DCP2: variants seen among roughly 807,000 people sequenced by gnomAD.
The protein encoded by DCP2 is m7GpppN-mRNA hydrolase.
A neutral mutation model predicts 56.1 loss-of-function variants in DCP2; 30 were observed. The ratio of observed to expected loss-of-function variants is 0.53; its 90% confidence interval spans 0.40 to 0.73. The LOEUF is 0.73. Among genes scored for constraint, DCP2 ranks in the 30% least tolerant of loss-of-function variants. The pLI is 0.00. For synonymous variants in DCP2, 197 were observed against 163.3 expected, an observed-to-expected ratio of 1.21 and a Z score of -1.57; for missense variants, 533 against 502.7, an observed-to-expected ratio of 1.06 and a Z score of -0.58.
intron 1 of DCP2, among the ~76,000 whole-genome samples, chr5:112,979,732 C>T (rs1747908129): frequency 6.6e-6 from 1 of 152,138 alleles, no homozygotes; most frequent in Admixed American, 6.5e-5. Flanking sequence ...TAGTATGTAA[C>T]ATTCTATTTA....
chr5:112,992,036 CTA>C (rs1748617381), intron 2 of DCP2, 83 bp from the exon 3 acceptor site: 1 of 1,535,878 alleles, frequency 6.5e-7, no homozygotes, highest in Non-Finnish European at 8.8e-7. Flanking sequence ...ATGAAATACA[CTA>C]TTGATTTAAA....
At chr5:113,011,307 AC>A (rs775871878) in intron 10 of DCP2, among the ~76,000 whole-genome samples, 13 of 152,208 alleles carry the variant, frequency 8.5e-5, no homozygotes, top group Non-Finnish European at 1.6e-4. Context: ...TTAAGGTGAT[AC>A]TAAGTATGAG....
chr5:113,002,423 A>G, intron 7 of DCP2, among the ~76,000 whole-genome samples: 1 of 130,628 alleles, frequency 7.7e-6, no homozygotes, highest in South Asian at 2.3e-4. Context: ...ACTCGGTCTC[A>G]AAAAAAAAAA....
chr5:112,990,633 G>T (rs1166283757), intron 2 of DCP2, among the ~76,000 whole-genome samples: 1 of 152,024 alleles, frequency 6.6e-6, no homozygotes, highest in Non-Finnish European at 1.5e-5. Context: ...GTAGGGACAG[G>T]GTCTTACTAT....
At chr5:112,999,240 T>G (rs1749011676) in intron 4 of DCP2, among the ~76,000 whole-genome samples, 1 of 152,256 alleles carries the variant, frequency 6.6e-6, no homozygotes, top group Admixed American at 6.5e-5. Context: ...TTTCTGATTT[T>G]TGAGGCATTA....
chr5:113,012,864 G>C (rs190065880), intron 10 of DCP2, among the ~76,000 whole-genome samples: 1 of 151,852 alleles, frequency 6.6e-6, no homozygotes, highest in African/African-American at 2.4e-5. Context: ...GGCTGGTCTC[G>C]AACTCCTGAC....
intron 2 of DCP2, among the ~76,000 whole-genome samples, chr5:112,988,596 G>A (rs1047291690): frequency 3.3e-5 from 5 of 151,878 alleles, no homozygotes; most frequent in Admixed American, 3.3e-4. Context: ...ATAGTAGTGG[G>A]ACTACAAAGA....
intron 7 of DCP2, 79 bp from the exon 8 acceptor site, chr5:113,003,863 A>G (rs1749294207): frequency 7.4e-6 from 11 of 1,480,014 alleles, no homozygotes; most frequent in Non-Finnish European, 1.0e-5. Flanking sequence ...TATGTAGTCT[A>G]TAAATTTAAC....
At position 113,014,381 on chromosome 5, in the gene DCP2, A is replaced by T. The variant is rs1269554701; in HGVS notation, c.*897A>T. 6.6e-6 allele frequency: 1 copy of T among 152,200 alleles called. No individual in the cohort carries two copies. Among genetic ancestry groups the T allele is most frequent in the Non-Finnish European group, 1.5e-5 (1 of 68,034 alleles). The allele number at this position is 152,200 out of a possible 1,614,324, so 9.4% of individuals were successfully genotyped here. On this transcript the variant is annotated 3_prime_UTR_variant, in exon 11 of 11. Transcript: ENST00000389063. ...GTTTTACGTTGCATCTCCAGTATTG[A>T]TCTTTGGAAACTGATGTTACATTAG...
chr5:112,983,230 A>AT (rs1748093516), intron 1 of DCP2, among the ~76,000 whole-genome samples: 1 of 152,186 alleles, frequency 6.6e-6, no homozygotes, highest in Non-Finnish European at 1.5e-5. Context: ...GAGAAAATAG[A>AT]CTACTTGGTT....
intron 9 of DCP2, 140 bp from the exon 10 acceptor site, chr5:113,010,616 G>A: frequency 1.9e-6 from 2 of 1,026,192 alleles, no homozygotes; most frequent in Non-Finnish European, 2.7e-6. Flanking sequence ...ACTGGTGAGA[G>A]AATGGGATGA....
At chr5:112,989,038 G>T (rs1271458895) in intron 2 of DCP2, among the ~76,000 whole-genome samples, 1 of 152,222 alleles carries the variant, frequency 6.6e-6, no homozygotes, top group Non-Finnish European at 1.5e-5. Flanking sequence ...ACTTCATTAA[G>T]TAACTTCATG....
At chr5:113,007,421 G>C (rs1033373005) in intron 8 of DCP2, among the ~76,000 whole-genome samples, 2 of 140,992 alleles carry the variant, frequency 1.4e-5, no homozygotes, top group Admixed American at 7.4e-5. Flanking sequence ...TTTTGAAAAA[G>C]AGATAGTCTC....
Position 113,021,693 on chromosome 5 carries a change from A to T in DCP2, c.*8209A>T, listed in dbSNP as rs1750144928. On this transcript the variant is annotated 3_prime_UTR_variant, in exon 11 of 11. Transcript: ENST00000389063. ...AAAAGGAGAGTGACTAAGGTGTTAT[A>T]CTTACTGTCAAAGTTACTTTGCTTC... Among the ~76,000 whole-genome samples, 1 of 122,706 alleles carries T rather than the reference A, an allele frequency of 8.1e-6. No individual in the cohort carries two copies. Among genetic ancestry groups the T allele is most frequent in the African/African-American group, 2.6e-5 (1 of 38,364 alleles). The allele number at this position is 122,706 out of a possible 152,430, so 80.5% of individuals were successfully genotyped here.
In DCP2 at chr5:113,019,360, C is replaced by G. The variant is rs1324778916; in HGVS notation, c.*5876C>G. ...ACAGTAGACTTGTATTCTTTATGCA[C>G]TATACATATGATACGCACTGACAGA... On this transcript the variant is annotated 3_prime_UTR_variant, in exon 11 of 11. Coordinates refer to ENST00000389063, the MANE Select transcript of DCP2 (RefSeq NM_152624.6). The G allele has an allele frequency of 6.6e-6, 1 of 152,180 alleles. No individual in the cohort carries two copies. The highest frequency in any genetic ancestry group is 1.5e-5 in the Non-Finnish European group (1 of 68,038). 9.4% of individuals were successfully genotyped at this position (152,180 alleles called of 1,614,324 possible). A position where few individuals can be genotyped will look rare whatever the true frequency, so the allele number is the denominator to read the frequency against.
chr5:112,987,993 T>C (rs940309666), intron 2 of DCP2, among the ~76,000 whole-genome samples: 2 of 152,162 alleles, frequency 1.3e-5, no homozygotes, highest in Admixed American at 6.5e-5. Context: ...GTACTAGAAC[T>C]AGAGTTGGAG....
intron 1 of DCP2, among the ~76,000 whole-genome samples, chr5:112,977,200 G>T (rs1282625045): frequency 1.3e-5 from 2 of 151,900 alleles, no homozygotes; most frequent in Non-Finnish European, 1.5e-5. Context: ...GTCCTTCCCC[G>T]CAGAACACCC....
intron 2 of DCP2, among the ~76,000 whole-genome samples, chr5:112,986,935 G>A (rs1025511506): frequency 3.3e-5 from 5 of 152,258 alleles, no homozygotes; most frequent in Non-Finnish European, 7.4e-5. Flanking sequence ...CCTGGGAGGT[G>A]CAGGTTACAG....
At position 113,021,358 on chromosome 5, in the gene DCP2, ACT is replaced by A. The variant is rs144518836; in HGVS notation, c.*7877_*7878del. Reference sequence around the variant, plus strand: ...CTCCAGCCTGGGTGAACAGAGCAAGACTCTGTCTGGAAAAAACAAAAAACAAC... The same window carrying A: ...CTCCAGCCTGGGTGAACAGAGCAAGACTGTCTGGAAAAAACAAAAAACAAC... On this transcript the variant is annotated 3_prime_UTR_variant, in exon 11 of 11. Transcript: ENST00000389063. Among the ~76,000 whole-genome samples, 957 of 143,946 alleles carry A rather than the reference ACT, an allele frequency of 6.6e-3. 9 individuals are homozygous for A. The highest frequency in any genetic ancestry group is 0.023 in the African/African-American group (878 of 37,984). 94.4% of individuals were successfully genotyped at this position (143,946 alleles called of 152,430 possible). A position where few individuals can be genotyped will look rare whatever the true frequency, so the allele number is the denominator to read the frequency against.
Sources: allele counts gnomAD v4.1 joint callset (sites outside exome capture counted in the v4.1 genomes callset), GRCh38; gene constraint gnomAD v4.1.1; transcripts MANE v1.5; gene names NCBI Gene and HGNC (gene_info 2026-07-23, HGNC 2026-07-21).